The following ZNF276 variants were observed in gnomAD, a reference collection of about 807,000 sequenced individuals.
ZNF276 encodes zinc finger protein 276, also known as centromere protein Z.
Under a neutral mutation model 63.9 loss-of-function variants are expected in ZNF276, and 59 were observed. That is an observed-to-expected ratio of 0.92 (90% confidence interval 0.75 to 1.15). The LOEUF (loss-of-function observed/expected upper bound fraction) is 1.15. Ranked by LOEUF, ZNF276 falls within the 50% of genes most tolerant of loss-of-function variation. The pLI is 0.00. For missense variants in ZNF276, 1,084 were observed against 843.8 expected (o/e 1.28, Z -3.53); for synonymous variants, 496 against 348.4 (o/e 1.42, Z -4.72).
rs370763750 is a variant in ZNF276, at chr16:89,737,958, T to A, written c.1575-18T>A. On this transcript the variant is annotated intron_variant, in intron 10 of 10. Transcript: ENST00000443381. ...GGGCTGTGGCCCTCGCACCTTCTTA[T>A]CTGCCTCTGTCCCCCAGGTGTGAGG... 6.8e-6 allele frequency: 11 copies of A among 1,613,998 alleles called. No homozygotes were observed. Among genetic ancestry groups the A allele is most frequent in the Non-Finnish European group, 9.3e-6 (11 of 1,180,002 alleles).
In ZNF276 at chr16:89,737,804, A is replaced by C. The variant is rs763883655; in HGVS notation, c.1475-2A>C. 6.2e-7 allele frequency: 1 copy of C among 1,614,104 alleles called. No individual in the cohort carries two copies. Among genetic ancestry groups the C allele is most frequent in the Non-Finnish European group, 8.5e-7 (1 of 1,180,004 alleles). On this transcript the variant is annotated splice_acceptor_variant, in intron 9 of 10. Coordinates refer to ENST00000443381, the MANE Select transcript of ZNF276 (RefSeq NM_001113525.2). LOFTEE classifies it high-confidence loss of function. ...TGGACTCACTGGACTCTCCCCTCTC[A>C]GAGGTGCGGAACTATATCTGTGACG...
Position 89,739,010 on chromosome 16 carries a change from A to C in ZNF276, c.*764A>C. On this transcript the variant is annotated 3_prime_UTR_variant, in exon 11 of 11. Coordinates refer to ENST00000443381, the MANE Select transcript of ZNF276 (RefSeq NM_001113525.2). ...AACAGGCAAACTCACAGGTTAGAAG[A>C]CATACAGAAACAGGGCTGGTGTGTC... The C allele has an allele frequency of 1.2e-6, 2 of 1,614,022 alleles. No individual in the cohort carries two copies. The highest frequency in any genetic ancestry group is 4.5e-5 in the East Asian group (2 of 44,856).
chr16:89,727,996 C>T (rs950415778), intron 5 of ZNF276, among the ~76,000 whole-genome samples: 7 of 152,264 alleles, frequency 4.6e-5, no homozygotes, highest in African/African-American at 1.2e-4. Context: ...GGGTTTGCAC[C>T]GTTTCCACCC....
intron 2 of ZNF276, 112 bp downstream of exon 2, chr16:89,722,946 G>C: frequency 6.4e-7 from 1 of 1,555,848 alleles, no homozygotes; most frequent in South Asian, 1.2e-5. Flanking sequence ...GGGGGAATGG[G>C]CCATGCCCGG....
In ZNF276 at chr16:89,739,595, T is replaced by G. The variant is rs977243598; in HGVS notation, c.*1349T>G. ...TGGCTCAGGCAACTCTGGACATCTC[T>G]GCCTATTATCAGTGCTGGGGACACC... On this transcript the variant is annotated 3_prime_UTR_variant, in exon 11 of 11. Coordinates refer to ENST00000443381, the MANE Select transcript of ZNF276 (RefSeq NM_001113525.2). 5.5e-5 allele frequency: 84 copies of G among 1,536,708 alleles called. No homozygotes were observed. Among genetic ancestry groups the G allele is most frequent in the Non-Finnish European group, 6.7e-5 (76 of 1,134,248 alleles).
At chr16:89,724,824 A>G (rs542734664) in intron 4 of ZNF276, among the ~76,000 whole-genome samples, 1 of 132,520 alleles carries the variant, frequency 7.5e-6, no homozygotes, top group Admixed American at 7.5e-5. Flanking sequence ...GTATCTATCT[A>G]CCTACCTACC....
At chr16:89,733,434 T>C (rs1375330358) in intron 7 of ZNF276, 22 bp downstream of exon 7, 1 of 1,614,048 alleles carries the variant, frequency 6.2e-7, no homozygotes, top group Non-Finnish European at 8.5e-7. Flanking sequence ...AACGCGAGGC[T>C]CGCCCTGCCT....
Position 89,723,564 on chromosome 16 carries a change from G to T in ZNF276, c.861G>T (p.Gln287His), listed in dbSNP as rs1317435366. The T allele has an allele frequency of 6.2e-7, 1 of 1,612,668 alleles. No individual in the cohort carries two copies. Among genetic ancestry groups the T allele is most frequent in the African/African-American group, 1.3e-5 (1 of 74,944 alleles). ...CTGGGGATGCCCCTCAGACCTCCCA[G>T]GGTAGAGGGACAGGGACCCCAGTTG... The part of the protein sequence containing the change: ...WNPGDAPQTS[Q>H]GRGTGTPVGA... The change falls in exon 4 of 11, where the codon CAG becomes CAT. Residue 287 changes from glutamine to histidine, a missense_variant. Coordinates refer to ENST00000443381, the MANE Select transcript of ZNF276 (RefSeq NM_001113525.2).
rs762684059 is a variant in ZNF276 at position 89,723,666 on chromosome 16, G to A, written c.963G>A (p.Ser321=). ...PSDSDAVGPR[S]GFPPQPSLPL... is the part of the protein sequence containing the mutation. ...ACAGCGACGCGGTGGGGCCCAGGTC[G>A]GGCTTCCCACCTCAGCCAAGCCTGC... The change falls in exon 4 of 11, where the codon TCG becomes TCA. Residue 321 remains serine (S), a synonymous_variant. Coordinates refer to ENST00000443381, the MANE Select transcript of ZNF276 (RefSeq NM_001113525.2). The A allele has an allele frequency of 5.6e-6, 9 of 1,612,078 alleles. No homozygotes were observed. Among genetic ancestry groups the A allele is most frequent in the Admixed American group, 3.3e-5 (2 of 59,986 alleles).
chr16:89,721,023 GCC>G (rs1198200847), upstream of ZNF276: 26 of 650,120 alleles, frequency 4.0e-5, no homozygotes, highest in Non-Finnish European at 5.6e-5. Flanking sequence ...CGTACTGCGG[GCC>G]CCACGGGTGT....
In ZNF276 at chr16:89,723,635, C is replaced by A; in HGVS notation, c.932C>A (p.Pro311His). 1.2e-6 allele frequency: 2 copies of A among 1,612,696 alleles called. No homozygotes were observed. Among genetic ancestry groups the A allele is most frequent in the Non-Finnish European group, 8.5e-7 (1 of 1,180,012 alleles). ...TLPSTDVAQPPSDSDAVGPRS... is the reference protein window; with the variant it reads ...TLPSTDVAQPHSDSDAVGPRS... ...CCCAGCACGGATGTGGCCCAGCCTC[C>A]TTCGGACAGCGACGCGGTGGGGCCC... The change falls in exon 4 of 11, where the codon CCT becomes CAT. Residue 311 changes from proline to histidine, a missense_variant. Coordinates refer to ENST00000443381, the MANE Select transcript of ZNF276 (RefSeq NM_001113525.2).
chr16:89,722,084 G>C (rs1049246056), intron 1 of ZNF276, among the ~76,000 whole-genome samples: 1 of 152,162 alleles, frequency 6.6e-6, no homozygotes, highest in Non-Finnish European at 1.5e-5. Context: ...GGGACCCGGC[G>C]TGAGGAGCGC....
chr16:89,723,035 A>C, intron 2 of ZNF276, 102 bp from the exon 3 acceptor site: 1 of 1,607,156 alleles, frequency 6.2e-7, no homozygotes, highest in Non-Finnish European at 8.5e-7. Flanking sequence ...AAAGTTGCCT[A>C]TGGGGACCGC....
rs1336709392 is a variant in ZNF276 at position 89,729,259 on chromosome 16, T to G, written c.1110T>G (p.Asn370Lys). The G allele has an allele frequency of 1.2e-6, 2 of 1,613,962 alleles. No individual in the cohort carries two copies. The highest frequency in any genetic ancestry group is 2.7e-5 in the African/African-American group (2 of 74,910). The change falls in exon 6 of 11, where the codon AAT (asparagine) becomes AAG (lysine). Residue 370 changes from asparagine (N) to lysine (K), a missense_variant. Physicochemically the swap from Asn to Lys is moderately conservative, Grantham distance 94 (BLOSUM62 0). Coordinates refer to ENST00000443381, the MANE Select transcript of ZNF276 (RefSeq NM_001113525.2). ...SEGDVLSEDE[N>K]DKKQNAQSSD... is the part of the protein sequence containing the mutation. ...GAGACGTCTTGAGTGAAGATGAAAA[T>G]GACAAGAAGCAAAATGCCCAGTCTT... is the stretch of plus-strand genomic sequence containing the variant.
Position 89,723,624 on chromosome 16 carries a change from G to A in ZNF276, c.921G>A (p.Val307=), listed in dbSNP as rs954523965. 1.9e-6 allele frequency: 3 copies of A among 1,612,650 alleles called. No homozygotes were observed. In the African/African-American group the frequency reaches 4.0e-5, roughly 22 times the overall value. Residue 307 remains valine (V), a synonymous_variant, in exon 4 of 11, where the codon GTG becomes GTA. Transcript: ENST00000443381. ...AETKTLPSTD[V]AQPPSDSDAV... ...CCAAGACCCTGCCCAGCACGGATGTGGCCCAGCCTCCTTCGGACAGCGACG... is the reference window on the plus strand; with the variant it reads ...CCAAGACCCTGCCCAGCACGGATGTAGCCCAGCCTCCTTCGGACAGCGACG...
chr16:89,733,277 G>A (rs995342613), intron 6 of ZNF276, 25 bp from the exon 7 acceptor site: 2 of 1,601,444 alleles, frequency 1.2e-6, no homozygotes, highest in Admixed American at 1.7e-5. Flanking sequence ...AGAAACCATT[G>A]AATTTGGGAA....
At chr16:89,723,859 T>A in intron 4 of ZNF276, 150 bp downstream of exon 4, 1 of 873,180 alleles carries the variant, frequency 1.1e-6, no homozygotes. Context: ...TGCCTGCGGC[T>A]GCTCACCACA....
At chr16:89,722,865 G>C (rs771438329) in intron 2 of ZNF276, 31 bp downstream of exon 2, 1 of 1,589,116 alleles carries the variant, frequency 6.3e-7, no homozygotes, top group South Asian at 1.1e-5. Context: ...AGCACGTTCA[G>C]GCTGTCAGTA....
chr16:89,739,326 T>G lies in ZNF276; in HGVS notation c.*1080T>G, dbSNP rs756611935. ...GACATAGTGACAAATGGCTACAGAC[T>G]GCTGGAAAGGTAGCAGGTGATGCCA... is the stretch of plus-strand genomic sequence containing the variant. On this transcript the variant is annotated 3_prime_UTR_variant, in exon 11 of 11. Transcript: ENST00000443381. 1 of 1,613,138 alleles carries G rather than the reference T, an allele frequency of 6.2e-7. No individual in the cohort carries two copies. Among genetic ancestry groups the G allele is most frequent in the Non-Finnish European group, 8.5e-7 (1 of 1,179,284 alleles).
Sources: allele counts gnomAD v4.1 joint callset (sites outside exome capture counted in the v4.1 genomes callset), GRCh38; gene constraint gnomAD v4.1.1; transcripts MANE v1.5; gene names NCBI Gene and HGNC (gene_info 2026-07-23, HGNC 2026-07-21).